GRID1: variants seen among roughly 807,000 people sequenced by gnomAD.
GRID1 encodes glutamate ionotropic receptor delta type subunit 1, also known as glutamate receptor ionotropic, delta-1.
Under a neutral mutation model 98.0 loss-of-function variants are expected in GRID1, and 28 were observed. The observed-to-expected ratio is 0.29, with a 90% CI of 0.21 to 0.39. The LOEUF is 0.39. Ranked by LOEUF, GRID1 falls within the 10% of genes least tolerant of loss-of-function variation. GRID1 has a pLI of 1.00. For missense variants in GRID1, 1,111 were observed against 1,340.5 expected (o/e 0.83, Z 2.67); for synonymous variants, 553 against 538.5 (o/e 1.03, Z -0.37).
At chr10:85,632,571 GT>G (rs202093602) in intron 13 of GRID1, among the ~76,000 whole-genome samples, 15 of 152,120 alleles carry the variant, frequency 9.9e-5, no homozygotes, top group African/African-American at 3.6e-4. Context: ...ACTTTTTAAG[GT>G]TTTTTTGTTG....
At chr10:85,802,617 T>A (rs1186073559) in intron 8 of GRID1, among the ~76,000 whole-genome samples, 4 of 151,806 alleles carry the variant, frequency 2.6e-5, no homozygotes, top group African/African-American at 7.3e-5. Context: ...GGAAAAAAAA[T>A]TAAATTTTAA....
intron 2 of GRID1, among the ~76,000 whole-genome samples, chr10:86,259,687 T>G (rs1846982480): frequency 6.6e-6 from 1 of 152,158 alleles, no homozygotes; most frequent in Non-Finnish European, 1.5e-5. Flanking sequence ...TGCACGCACA[T>G]GCGTGTGCAA....
chr10:85,619,776 G>T, intron 14 of GRID1, 91 bp downstream of exon 14: 3 of 943,530 alleles, frequency 3.2e-6, no homozygotes, highest in Non-Finnish European at 4.9e-6. Flanking sequence ...AAAGATGTTT[G>T]CATTGGCTCT....
chr10:86,203,672 C>G (rs1027187241), intron 3 of GRID1, among the ~76,000 whole-genome samples: 7 of 151,736 alleles, frequency 4.6e-5, no homozygotes, highest in African/African-American at 1.7e-4. Flanking sequence ...TCCAGCAAGC[C>G]GAGAGCCAGA....
chr10:85,730,120 T>A (rs574557518), intron 8 of GRID1, among the ~76,000 whole-genome samples: 19 of 152,234 alleles, frequency 1.2e-4, no homozygotes, highest in Non-Finnish European at 2.6e-4. Flanking sequence ...GTCAAGAGCT[T>A]CCTGCCTGTT....
At chr10:85,738,815 A>G (rs1196844624) in intron 8 of GRID1, among the ~76,000 whole-genome samples, 3 of 152,164 alleles carry the variant, frequency 2.0e-5, no homozygotes, top group Non-Finnish European at 4.4e-5. Context: ...GGTACTGAAA[A>G]TAGATCAATG....
intron 4 of GRID1, among the ~76,000 whole-genome samples, chr10:86,062,464 C>A (rs1843663033): frequency 6.6e-6 from 1 of 152,152 alleles, no homozygotes; most frequent in African/African-American, 2.4e-5. Flanking sequence ...CTTCCCTGTC[C>A]TGTTTTCCCC....
chr10:86,285,461 G>A (rs902149615), intron 2 of GRID1, among the ~76,000 whole-genome samples: 3 of 152,206 alleles, frequency 2.0e-5, no homozygotes, highest in Non-Finnish European at 2.9e-5. Context: ...AACAAAAGGC[G>A]CAGCTTCTCA....
chr10:85,938,459 A>T (rs1173859156), intron 4 of GRID1, among the ~76,000 whole-genome samples: 1 of 152,186 alleles, frequency 6.6e-6, no homozygotes, highest in Admixed American at 6.5e-5. Context: ...CACTTACTAT[A>T]TGCTGGGCAG....
Position 85,967,852 on chromosome 10 carries a change from A to C in GRID1, c.727-51613T>G, listed in dbSNP as rs539773584. On this transcript the variant is annotated intron_variant, in intron 4 of 15. Transcript: ENST00000327946. ...AGCAGAGACCATGGTGGCCAGAGGT[A>C]GTAAGATGACATGTTCAAAGTACTG... 3.7e-4 allele frequency among the ~76,000 whole-genome samples: 57 copies of C among 152,338 alleles called. 1 individual carries two copies. The highest frequency in any genetic ancestry group is 1.1e-3 in the African/African-American group (46 of 41,580).
chr10:85,725,881 G>A, intron 10 of GRID1, among the ~76,000 whole-genome samples: 1 of 152,180 alleles, frequency 6.6e-6, no homozygotes, highest in Non-Finnish European at 1.5e-5. Context: ...TGGCATCTCT[G>A]GTTCTTGCCT....
chr10:85,782,619 G>T (rs1842391150), intron 8 of GRID1, among the ~76,000 whole-genome samples: 1 of 152,220 alleles, frequency 6.6e-6, no homozygotes, highest in South Asian at 2.1e-4. Context: ...AACCTTGAAA[G>T]ATTGGGGGCA....
chr10:86,277,898 T>C (rs1033470246), intron 2 of GRID1, among the ~76,000 whole-genome samples: 10 of 152,102 alleles, frequency 6.6e-5, no homozygotes, highest in Admixed American at 5.9e-4. Context: ...CTATAAATAG[T>C]AAAATGGCAG....
intron 2 of GRID1, among the ~76,000 whole-genome samples, chr10:86,286,100 G>A (rs2132071667): frequency 6.6e-6 from 1 of 152,280 alleles, no homozygotes; most frequent in African/African-American, 2.4e-5. Context: ...GTAGGTGTAG[G>A]TATAAGTAGA....
intron 6 of GRID1, among the ~76,000 whole-genome samples, 159 bp downstream of exon 6, chr10:85,868,851 A>G (rs1278581598): frequency 1.3e-5 from 2 of 152,194 alleles, no homozygotes; most frequent in African/African-American, 4.8e-5. Context: ...CGTGCTGTTC[A>G]GAGACACTGC....
chr10:86,048,335 C>T (rs369709440), intron 4 of GRID1, among the ~76,000 whole-genome samples: 1 of 152,162 alleles, frequency 6.6e-6, no homozygotes, highest in Non-Finnish European at 1.5e-5. Flanking sequence ...GGCAGCCACT[C>T]CCTTGGGATT....
Position 85,811,464 on chromosome 10 carries a change from C to T in GRID1, c.1233+43032G>A, listed in dbSNP as rs561905800. ...AAACGATTCAATTAAATTAGGAAGC[C>T]AACTTAGTATCTGCATTAAAAATTA... is the stretch of plus-strand genomic sequence containing the variant. On this transcript the variant is annotated intron_variant, in intron 8 of 15. Transcript: ENST00000327946. Among the ~76,000 whole-genome samples the T allele has an allele frequency of 1.7e-4, 26 of 150,524 alleles. No individual in the cohort carries two copies. In the South Asian group the frequency reaches 4.7e-3, roughly 27 times the overall value.
At chr10:86,208,409 C>T (rs1846065144) in intron 2 of GRID1, among the ~76,000 whole-genome samples, 1 of 152,074 alleles carries the variant, frequency 6.6e-6, no homozygotes, top group African/African-American at 2.4e-5. Flanking sequence ...CCCTGCTGTG[C>T]CCCCCAAGAG....
chr10:85,606,736 A>G (rs1443427743), intron 15 of GRID1: 1 of 152,294 alleles, frequency 6.6e-6, no homozygotes, highest in East Asian at 1.9e-4. Flanking sequence ...CCAGCCAAGG[A>G]AAGAGGAGAC....
Sources: allele counts gnomAD v4.1 joint callset (sites outside exome capture counted in the v4.1 genomes callset), GRCh38; gene constraint gnomAD v4.1.1; transcripts MANE v1.5; gene names NCBI Gene and HGNC (gene_info 2026-07-23, HGNC 2026-07-21).